The following GTF2B variants were observed in gnomAD, a reference collection of about 807,000 sequenced individuals.
The protein encoded by GTF2B is transcription initiation factor IIB.
A neutral mutation model predicts 34.6 loss-of-function variants in GTF2B; 20 were observed. That is an observed-to-expected ratio of 0.58 (90% CI 0.41 to 0.84). The LOEUF is 0.84. GTF2B is among the 40% of genes least tolerant of loss of function. GTF2B has a pLI of 0.00. For synonymous variants in GTF2B, 142 were observed against 132.4 expected (o/e 1.07, Z -0.50); for missense variants, 237 against 393.3 (o/e 0.60, Z 3.36).
rs908333676 is a variant in GTF2B, at chr1:88,891,092, T to G, written c.17+391A>C. 1.5e-4 allele frequency among the ~76,000 whole-genome samples: 17 copies of G among 113,128 alleles called. 1 individual carries two copies. Among genetic ancestry groups the G allele is most frequent in the Non-Finnish European group, 2.7e-4 (16 of 59,426 alleles). 74.2% of individuals were successfully genotyped at this position (113,128 alleles called of 152,430 possible). A position where few individuals can be genotyped will look rare whatever the true frequency, so the allele number is the denominator to read the frequency against. Reference sequence around the variant, plus strand: ...AAGGAGAAATTACGGACCCTCGGGTTGTTTGGGCCGTAGATGAAAAAAACA... The same window carrying G: ...AAGGAGAAATTACGGACCCTCGGGTGGTTTGGGCCGTAGATGAAAAAAACA... On this transcript the variant is annotated intron_variant, in intron 1 of 6. Transcript: ENST00000370500.
At chr1:88,862,524 G>A (rs963622353) in intron 3 of GTF2B, among the ~76,000 whole-genome samples, 1 of 152,102 alleles carries the variant, frequency 6.6e-6, no homozygotes, top group Non-Finnish European at 1.5e-5. Flanking sequence ...CCACCTTAGC[G>A]ACAGTGTTAG....
intron 2 of GTF2B, among the ~76,000 whole-genome samples, chr1:88,878,003 G>A (rs1020312363): frequency 1.1e-4 from 17 of 152,146 alleles, no homozygotes; most frequent in African/African-American, 4.1e-4. Flanking sequence ...TTAAGAATTG[G>A]CCCAGGTTGG....
At chr1:88,860,317 T>G in intron 3 of GTF2B, 31 bp from the exon 4 acceptor site, 1 of 1,566,610 alleles carries the variant, frequency 6.4e-7, no homozygotes, top group Non-Finnish European at 8.7e-7. Context: ...TATGAAAAAA[T>G]TTTTTGGAAA....
chr1:88,878,831 C>T (rs561195935), intron 2 of GTF2B, among the ~76,000 whole-genome samples: 1 of 152,334 alleles, frequency 6.6e-6, no homozygotes, highest in South Asian at 2.1e-4. Context: ...AATATGACTA[C>T]TGTAAGACAA....
At chr1:88,890,845 T>C (rs995749428) in intron 1 of GTF2B, among the ~76,000 whole-genome samples, 5 of 152,240 alleles carry the variant, frequency 3.3e-5, no homozygotes, top group Non-Finnish European at 7.3e-5. Context: ...ACTAATTTTC[T>C]TTGGCAAGAT....
chr1:88,857,169 T>G, intron 6 of GTF2B, 37 bp downstream of exon 6: 2 of 1,557,890 alleles, frequency 1.3e-6, no homozygotes, highest in Non-Finnish European at 1.7e-6. Flanking sequence ...GCTGCAAATT[T>G]CAGTTTACTG....
Position 88,880,228 on chromosome 1 carries a change from A to G in GTF2B, c.124+7033T>C, listed in dbSNP as rs987863046. Among the ~76,000 whole-genome samples, 4 of 152,352 alleles carry G rather than the reference A, an allele frequency of 2.6e-5. No homozygotes were observed. The East Asian group carries it at 7.7e-4, about 29-fold the overall frequency. ...ATGTATACCAAGATAATTTATTAGG[A>G]AACACTTGATGTCTGGATTCAAATT... On this transcript the variant is annotated intron_variant, in intron 2 of 6. Transcript: ENST00000370500.
intron 1 of GTF2B, chr1:88,888,127 C>T (rs1462661539): frequency 6.6e-6 from 1 of 152,106 alleles, no homozygotes; most frequent in Non-Finnish European, 1.5e-5. Context: ...ATCATAAATT[C>T]TTGGTATCAC....
intron 6 of GTF2B, among the ~76,000 whole-genome samples, chr1:88,853,876 CA>C (rs987957999): frequency 6.7e-6 from 1 of 149,896 alleles, no homozygotes; most frequent in South Asian, 2.1e-4. Context: ...AATACTGTCT[CA>C]AAAAAAAAGT....
chr1:88,870,075 C>T (rs983634959), intron 2 of GTF2B, among the ~76,000 whole-genome samples: 7 of 152,052 alleles, frequency 4.6e-5, no homozygotes, highest in Admixed American at 2.6e-4. Context: ...CTACAGGCGC[C>T]CACCACCACG....
intron 6 of GTF2B, 52 bp from the exon 7 acceptor site, chr1:88,853,398 C>G: frequency 3.3e-6 from 5 of 1,510,424 alleles, no homozygotes; most frequent in Non-Finnish European, 4.6e-6. Context: ...TACCTCCTTT[C>G]CACTACCTGC....
At chr1:88,886,099 T>C (rs1410036770) in intron 2 of GTF2B, among the ~76,000 whole-genome samples, 3 of 152,210 alleles carry the variant, frequency 2.0e-5, no homozygotes, top group Non-Finnish European at 2.9e-5. Flanking sequence ...GTGCCTAGTA[T>C]ATAGTAAACA....
intron 6 of GTF2B, among the ~76,000 whole-genome samples, chr1:88,853,600 C>T (rs921757623): frequency 2.6e-5 from 4 of 152,020 alleles, no homozygotes; most frequent in Admixed American, 6.6e-5. Context: ...GTCAGGAGAT[C>T]GAGACCATCC....
chr1:88,870,073 G>A (rs563254568), intron 2 of GTF2B, among the ~76,000 whole-genome samples: 6 of 152,048 alleles, frequency 3.9e-5, no homozygotes, highest in Admixed American at 1.3e-4. Flanking sequence ...GACTACAGGC[G>A]CCCACCACCA....
At chr1:88,865,282 C>A (rs574148428) in intron 2 of GTF2B, among the ~76,000 whole-genome samples, 9 of 152,282 alleles carry the variant, frequency 5.9e-5, no homozygotes, top group East Asian at 1.9e-4. Flanking sequence ...TATTATAATA[C>A]CCATGTACAG....
intron 1 of GTF2B, among the ~76,000 whole-genome samples, chr1:88,889,178 T>C (rs75253960): frequency 3.1e-4 from 47 of 152,316 alleles, no homozygotes; most frequent in African/African-American, 1.1e-3. Flanking sequence ...CAGGGAGACT[T>C]AGATGGCTGG....
rs200533493 is a variant in GTF2B, at chr1:88,881,730, CAT to C, written c.124+5529_124+5530del. Among the ~76,000 whole-genome samples the C allele has an allele frequency of 1.8e-3, 274 of 152,230 alleles. 3 individuals carry two copies. The Middle Eastern group carries it at 0.034, about 19-fold the overall frequency. On this transcript the variant is annotated intron_variant, in intron 2 of 6. Coordinates refer to ENST00000370500, the MANE Select transcript of GTF2B (RefSeq NM_001514.6). The stretch of plus-strand genomic sequence containing the variant: ...AATCAGTATCAAAAAGAAATACTGT[CAT>C]ATATTATAGAAAGTAAGTTTTATTG...
chr1:88,875,339 G>C (rs574521308), intron 2 of GTF2B, among the ~76,000 whole-genome samples: 2 of 152,214 alleles, frequency 1.3e-5, no homozygotes, highest in East Asian at 1.9e-4. Context: ...CTTTGCCCCT[G>C]ATGTTTAGAC....
At chr1:88,886,100 A>C (rs1674062001) in intron 2 of GTF2B, among the ~76,000 whole-genome samples, 1 of 152,208 alleles carries the variant, frequency 6.6e-6, no homozygotes, top group African/African-American at 2.4e-5. Flanking sequence ...TGCCTAGTAT[A>C]TAGTAAACAT....
Sources: gnomAD v4.1 joint callset for allele counts (sites outside exome capture counted in the v4.1 genomes callset) on GRCh38, gnomAD v4.1.1 for gene constraint, MANE v1.5 for transcripts, NCBI Gene and HGNC (gene_info 2026-07-23, HGNC 2026-07-21) for gene names.